CSTF3: variants seen among roughly 807,000 people sequenced by gnomAD.
CSTF3 encodes cleavage stimulation factor subunit 3.
A neutral mutation model predicts 105.8 loss-of-function variants in CSTF3; 29 were observed. That is an observed-to-expected ratio of 0.27 (90% CI 0.20 to 0.37). CSTF3 has a LOEUF of 0.37. CSTF3 is among the 10% of genes least tolerant of loss of function. The pLI, the probability that CSTF3 is intolerant of heterozygous loss-of-function variation, is 1.00. For synonymous variants in CSTF3, 252 were observed against 281.9 expected, an observed-to-expected ratio of 0.89 and a Z score of 1.06; for missense variants, 357 against 879.3, an observed-to-expected ratio of 0.41 and a Z score of 7.51.
At chr11:33,100,354 CAAAA>C (rs71034652) in intron 10 of CSTF3, among the ~76,000 whole-genome samples, 2 of 127,042 alleles carry the variant, frequency 1.6e-5, no homozygotes, top group Admixed American at 8.4e-5. Flanking sequence ...GACTCCATCT[CAAAA>C]AAAAAAAAAA....
intron 9 of CSTF3, 34 bp downstream of exon 9, chr11:33,103,073 A>C (rs1776057240): frequency 7.4e-7 from 1 of 1,347,678 alleles, no homozygotes; most frequent in African/African-American, 1.5e-5. Context: ...CAGACTCATA[A>C]TAATCATTAA....
At chr11:33,126,060 GA>G (rs1855539694) in intron 3 of CSTF3, among the ~76,000 whole-genome samples, 2 of 151,902 alleles carry the variant, frequency 1.3e-5, no homozygotes, top group African/African-American at 2.4e-5. Context: ...AAAAAGATTA[GA>G]AAAAAAATGT....
chr11:33,143,627 G>A (rs1374966046), intron 1 of CSTF3, among the ~76,000 whole-genome samples: 4 of 152,136 alleles, frequency 2.6e-5, no homozygotes, highest in African/African-American at 9.7e-5. Context: ...GTGTGTGCCT[G>A]TAATCCCTGC....
chr11:33,144,940 G>A, intron 1 of CSTF3: 1 of 192,680 alleles, frequency 5.2e-6, no homozygotes, highest in Non-Finnish European at 1.1e-5. Context: ...TGCCGCCACT[G>A]CACTCGGGCC....
At chr11:33,156,169 C>A (rs1024500139) in intron 1 of CSTF3, among the ~76,000 whole-genome samples, 36 of 152,160 alleles carry the variant, frequency 2.4e-4, no homozygotes, top group Non-Finnish European at 4.3e-4. Context: ...AATCAATTTG[C>A]CTGCCCAAAA....
chr11:33,114,046 C>T (rs1035223242), intron 3 of CSTF3, among the ~76,000 whole-genome samples: 3 of 152,146 alleles, frequency 2.0e-5, no homozygotes, highest in African/African-American at 2.4e-5. Flanking sequence ...TTGGTCATCA[C>T]GTATCTTTTG....
chr11:33,100,602 G>T (rs998005991), intron 10 of CSTF3, among the ~76,000 whole-genome samples: 2 of 152,120 alleles, frequency 1.3e-5, no homozygotes, highest in African/African-American at 2.4e-5. Context: ...TGCAGTATAC[G>T]GGGAGGACAG....
At chr11:33,088,823 T>C (rs1303780850) in intron 17 of CSTF3, among the ~76,000 whole-genome samples, 1 of 151,914 alleles carries the variant, frequency 6.6e-6, no homozygotes, top group African/African-American at 2.4e-5. Flanking sequence ...TTCATCATGT[T>C]TCCCAGGCTG....
intron 3 of CSTF3, among the ~76,000 whole-genome samples, chr11:33,135,677 C>A (rs1156286763): frequency 6.6e-6 from 1 of 152,080 alleles, no homozygotes; most frequent in Non-Finnish European, 1.5e-5. Flanking sequence ...TCCACTTCAA[C>A]TATATGTAAA....
chr11:33,121,598 A>ATC (rs1324131166), intron 3 of CSTF3, among the ~76,000 whole-genome samples: 10 of 152,198 alleles, frequency 6.6e-5, no homozygotes, highest in African/African-American at 2.4e-4. Context: ...GAAAGCTGCC[A>ATC]TGAAGGCTTT....
chr11:33,161,428 C>T lies in CSTF3; in HGVS notation c.-103G>A. ...CAAATCAGTAAAGTTACCCCCTGCC[C>T]AGCTGAGCCAGACCGCCAACACCAA... On this transcript the variant is annotated 5_prime_UTR_variant, in exon 1 of 21. Transcript: ENST00000323959. 7.9e-7 allele frequency: 1 copy of T among 1,263,362 alleles called. No individual in the cohort carries two copies. Among genetic ancestry groups the T allele is most frequent in the Non-Finnish European group, 1.1e-6 (1 of 880,376 alleles). The allele number at this position is 1,263,362 out of a possible 1,614,324, so 78.3% of individuals were successfully genotyped here.
intron 10 of CSTF3, among the ~76,000 whole-genome samples, chr11:33,101,716 A>T (rs1855283028): frequency 6.6e-6 from 1 of 152,156 alleles, no homozygotes; most frequent in Non-Finnish European, 1.5e-5. Flanking sequence ...GAAATAGGGA[A>T]ATGTAAACCA....
At chr11:33,110,930 T>C (rs1565007698) in intron 3 of CSTF3, among the ~76,000 whole-genome samples, 1 of 151,986 alleles carries the variant, frequency 6.6e-6, no homozygotes, top group Non-Finnish European at 1.5e-5. Flanking sequence ...CTAGGATCTA[T>C]CCTATAAAAA....
chr11:33,158,757 CTG>C (rs2133812475), intron 1 of CSTF3, among the ~76,000 whole-genome samples: 2 of 152,230 alleles, frequency 1.3e-5, no homozygotes, highest in South Asian at 4.1e-4. Flanking sequence ...ATAGACCTAA[CTG>C]TAAAGTTTTC....
intron 3 of CSTF3, among the ~76,000 whole-genome samples, chr11:33,118,754 A>C (rs1249625987): frequency 1.3e-5 from 2 of 151,750 alleles, no homozygotes; most frequent in Admixed American, 6.6e-5. Flanking sequence ...ATCTAAAAAA[A>C]AAAAACAAAA....
chr11:33,095,434 A>C (rs988193656), intron 15 of CSTF3, among the ~76,000 whole-genome samples: 4 of 152,182 alleles, frequency 2.6e-5, no homozygotes, highest in Non-Finnish European at 5.9e-5. Context: ...AACTAGACTA[A>C]ATGATATACA....
At chr11:33,130,852 A>C (rs747186577) in intron 3 of CSTF3, among the ~76,000 whole-genome samples, 9 of 152,164 alleles carry the variant, frequency 5.9e-5, no homozygotes, top group African/African-American at 1.4e-4. Flanking sequence ...CAAAAACAAC[A>C]ACCAACCAAC....
At chr11:33,098,815 G>A (rs948494309) in intron 12 of CSTF3, 51 bp from the exon 13 acceptor site, 2 of 1,344,058 alleles carry the variant, frequency 1.5e-6, no homozygotes, top group Non-Finnish European at 2.0e-6. Context: ...TAAATAAGCA[G>A]GATTTGAGCT....
chr11:33,092,448 G>GT (rs1855179114), intron 15 of CSTF3, 108 bp from the exon 16 acceptor site: 1 of 623,434 alleles, frequency 1.6e-6, no homozygotes, highest in South Asian at 2.9e-5. Flanking sequence ...ATGCAGAAAG[G>GT]TTTAACTATT....
Sources: gnomAD v4.1 joint callset for allele counts (sites outside exome capture counted in the v4.1 genomes callset) on GRCh38, gnomAD v4.1.1 for gene constraint, MANE v1.5 for transcripts, NCBI Gene and HGNC (gene_info 2026-07-23, HGNC 2026-07-21) for gene names.